The following GTF2IRD2B variants were observed in gnomAD, a reference collection of about 807,000 sequenced individuals.
The protein encoded by GTF2IRD2B is general transcription factor II-I repeat domain-containing protein 2B.
Under a neutral mutation model 55.6 loss-of-function variants are expected in GTF2IRD2B, and 10 were observed. The ratio of observed to expected loss-of-function variants is 0.18; its 90% CI spans 0.11 to 0.31. The LOEUF (loss-of-function observed/expected upper bound fraction) is 0.31. Among genes scored for constraint, GTF2IRD2B ranks in the 10% least tolerant of loss-of-function variants. The probability of loss-of-function intolerance (pLI) is 1.00; values close to 1 mark genes in which losing one functional copy is unlikely to be tolerated. For synonymous variants in GTF2IRD2B, 107 were observed against 320.5 expected, an observed-to-expected ratio of 0.33 and a Z score of 7.12; for missense variants, 206 against 802.7, an observed-to-expected ratio of 0.26 and a Z score of 8.98.
intron 6 of GTF2IRD2B, 181 bp downstream of exon 6, chr7:75,123,697 A>G (rs1554452229): frequency 2.7e-6 from 2 of 735,534 alleles, no homozygotes; most frequent in African/African-American, 1.7e-5. Flanking sequence ...AACACGGTGA[A>G]GCCCAGTCTG....
chr7:75,106,716 G>A (rs1584526867), intron 1 of GTF2IRD2B, among the ~76,000 whole-genome samples: 1 of 98,104 alleles, frequency 1.0e-5, no homozygotes. Flanking sequence ...CAGCCTTGGC[G>A]ATAGAGCAAG....
chr7:75,121,286 T>G (rs1307293563), intron 4 of GTF2IRD2B, among the ~76,000 whole-genome samples: 2 of 151,136 alleles, frequency 1.3e-5, no homozygotes, highest in East Asian at 1.9e-4. Context: ...CCGCCTGCCT[T>G]GGCCTCCCAA....
At chr7:75,121,322 A>C (rs1156424591) in intron 4 of GTF2IRD2B, among the ~76,000 whole-genome samples, 1 of 150,386 alleles carries the variant, frequency 6.6e-6, no homozygotes, top group Non-Finnish European at 1.5e-5. Context: ...GGCGTGAACC[A>C]CCGCGCCCAG....
rs781817021 is a variant in GTF2IRD2B at position 75,127,029 on chromosome 7, A to C, written c.670+644A>C. Among the ~76,000 whole-genome samples the C allele has an allele frequency of 9.1e-4, 137 of 150,172 alleles. 5 individuals are homozygous for C. The highest frequency in any genetic ancestry group is 3.4e-3 in the Middle Eastern group (1 of 292). ...AACAAAAACAAAAACAAAAACAAAA[A>C]AAACAAAAAAAAGAACCAAGTATCT... On this transcript the variant is annotated intron_variant, in intron 8 of 15. Transcript: ENST00000472837.
intron 10 of GTF2IRD2B, among the ~76,000 whole-genome samples, chr7:75,136,354 A>G (rs1808837260): frequency 6.7e-6 from 1 of 148,320 alleles, no homozygotes; most frequent in Admixed American, 6.7e-5. Context: ...GCTGGAGTGC[A>G]GTGTGTCACG....
intron 12 of GTF2IRD2B, among the ~76,000 whole-genome samples, chr7:75,139,605 G>A (rs1808956732): frequency 8.1e-6 from 1 of 123,428 alleles, no homozygotes; most frequent in South Asian, 2.3e-4. Flanking sequence ...CTGCACTCCA[G>A]CCTGGGCGAC....
At chr7:75,134,919 G>A (rs1229471003) in intron 9 of GTF2IRD2B, 82 bp from the exon 10 acceptor site, 2 of 1,521,920 alleles carry the variant, frequency 1.3e-6, no homozygotes, top group Admixed American at 4.0e-5. Flanking sequence ...CGTGGGTATT[G>A]ACTTGTTTGC....
intron 1 of GTF2IRD2B, among the ~76,000 whole-genome samples, chr7:75,106,586 A>C (rs1554450257): frequency 9.8e-6 from 1 of 102,432 alleles, no homozygotes; most frequent in Non-Finnish European, 2.0e-5. Context: ...AAATTTCTTA[A>C]AGCTAACTTC....
At chr7:75,117,930 A>G (rs1808225589) in intron 3 of GTF2IRD2B, among the ~76,000 whole-genome samples, 1 of 152,180 alleles carries the variant, frequency 6.6e-6, no homozygotes, top group South Asian at 2.1e-4. Flanking sequence ...TAAAAATACA[A>G]AAATTAGCTG....
At chr7:75,133,481 C>T (rs1479234297) in intron 9 of GTF2IRD2B, among the ~76,000 whole-genome samples, 12 of 148,626 alleles carry the variant, frequency 8.1e-5, no homozygotes, top group African/African-American at 2.9e-4. Flanking sequence ...AGTCCTCCAG[C>T]CTTGGCCTCC....
intron 4 of GTF2IRD2B, among the ~76,000 whole-genome samples, chr7:75,122,360 C>G (rs1219781556): frequency 7.8e-6 from 1 of 128,746 alleles, no homozygotes; most frequent in Non-Finnish European, 1.6e-5. Context: ...ACTTGGGAGG[C>G]TAAGGTGGGA....
chr7:75,127,031 AAC>A (rs1808540220), intron 8 of GTF2IRD2B, among the ~76,000 whole-genome samples: 2 of 150,096 alleles, frequency 1.3e-5, no homozygotes, highest in African/African-American at 2.4e-5. Flanking sequence ...AAACAAAAAA[AAC>A]AAAAAAAAGA....
Position 75,147,850 on chromosome 7 carries a change from C to G in GTF2IRD2B, c.1403C>G (p.Thr468Ser). The G allele has an allele frequency of 8.8e-7, 1 of 1,137,078 alleles. No homozygotes were observed. Among genetic ancestry groups the G allele is most frequent in the South Asian group, 1.2e-5 (1 of 81,228 alleles). 70.4% of individuals were successfully genotyped at this position (1,137,078 alleles called of 1,614,324 possible). The change falls in exon 16 of 16, where the codon ACC becomes AGC. Residue 468 changes from threonine (T) to serine (S), a missense_variant. Physicochemically the swap from Thr to Ser is moderately conservative, Grantham distance 58. Transcript: ENST00000472837. ...KEYNLRRHYQ[T>S]NHSKHYDQYT... is the part of the protein sequence containing the mutation. Reference sequence around the variant, plus strand: ...TATAACCTAAGACGCCACTATCAAACCAATCACAGCAAGCATTATGACCAG... The same window carrying G: ...TATAACCTAAGACGCCACTATCAAAGCAATCACAGCAAGCATTATGACCAG...
chr7:75,147,350 T>C (rs1809176911), intron 15 of GTF2IRD2B, among the ~76,000 whole-genome samples: 1 of 151,564 alleles, frequency 6.6e-6, no homozygotes, highest in Admixed American at 6.6e-5. Flanking sequence ...GAAGAATCGC[T>C]TGAACCCAGG....
chr7:75,105,053 C>G (rs1300961304), intron 1 of GTF2IRD2B, among the ~76,000 whole-genome samples: 1 of 152,300 alleles, frequency 6.6e-6, no homozygotes. Flanking sequence ...AAAAGTTAGC[C>G]AGGTGTGGTG....
At chr7:75,093,641 A>G (rs1487717638) in intron 1 of GTF2IRD2B, among the ~76,000 whole-genome samples, 8 of 152,176 alleles carry the variant, frequency 5.3e-5, no homozygotes, top group African/African-American at 1.9e-4. Context: ...TTTCGTGTGG[A>G]TAGAATCATC....
chr7:75,106,747 T>A (rs1249884392), intron 1 of GTF2IRD2B, among the ~76,000 whole-genome samples: 1 of 109,100 alleles, frequency 9.2e-6, no homozygotes, highest in East Asian at 2.6e-4. Flanking sequence ...TACAAAAAAA[T>A]GTTTAAAAAT....
chr7:75,101,599 T>G (rs1302901696), intron 1 of GTF2IRD2B, among the ~76,000 whole-genome samples: 1 of 147,156 alleles, frequency 6.8e-6, no homozygotes, highest in African/African-American at 2.5e-5. Flanking sequence ...TAAATAAAAA[T>G]TTAAAAAATA....
chr7:75,111,281 A>AAAT (rs1309570666), intron 2 of GTF2IRD2B, among the ~76,000 whole-genome samples: 511 of 43,666 alleles, frequency 0.012, no homozygotes, highest in African/African-American at 0.026. Context: ...ACCCTCTCTC[A>AAAT]AATAATAATA....
Sources: allele counts gnomAD v4.1 joint callset (sites outside exome capture counted in the v4.1 genomes callset), GRCh38; gene constraint gnomAD v4.1.1; transcripts MANE v1.5; gene names NCBI Gene and HGNC (gene_info 2026-07-23, HGNC 2026-07-21).